Variants in CCSER1 observed in about 807,000 individuals in gnomAD.
CCSER1 encodes the protein coiled-coil serine rich protein 1.
CCSER1 carries 41 observed loss-of-function variants against 82.0 expected under a neutral mutation model. That is an observed-to-expected ratio of 0.50 (90% CI 0.39 to 0.65). The LOEUF (loss-of-function observed/expected upper bound fraction) is 0.65. Ranked by LOEUF, CCSER1 falls within the 30% of genes least tolerant of loss-of-function variation. CCSER1 has a pLI of 0.00. For synonymous variants in CCSER1, 414 were observed against 383.9 expected (o/e 1.08, Z -0.92); for missense variants, 1,119 against 1,064.2 (o/e 1.05, Z -0.72).
chr4:90,189,161 T>G (rs995183355), intron 1 of CCSER1, among the ~76,000 whole-genome samples: 2 of 151,980 alleles, frequency 1.3e-5, no homozygotes, highest in Non-Finnish European at 1.5e-5. Flanking sequence ...GTCCTTTAGC[T>G]GCCATGTTGT....
chr4:91,403,558 A>G (rs1031399492), intron 10 of CCSER1, among the ~76,000 whole-genome samples: 1 of 152,148 alleles, frequency 6.6e-6, no homozygotes, highest in Non-Finnish European at 1.5e-5. Flanking sequence ...TGTTATTTTG[A>G]GATACGTCCC....
At chr4:91,171,202 A>AT in intron 10 of CCSER1, among the ~76,000 whole-genome samples, 1 of 152,242 alleles carries the variant, frequency 6.6e-6, no homozygotes, top group African/African-American at 2.4e-5. Context: ...TATATTAAAT[A>AT]TTTTTTCATC....
intron 3 of CCSER1, among the ~76,000 whole-genome samples, chr4:90,320,559 T>C (rs908353495): frequency 1.3e-5 from 2 of 152,112 alleles, no homozygotes; most frequent in Non-Finnish European, 2.9e-5. Flanking sequence ...CAAGAAATAG[T>C]CAAATATTTG....
At chr4:91,098,050 T>A (rs991997142) in intron 10 of CCSER1, among the ~76,000 whole-genome samples, 1 of 152,152 alleles carries the variant, frequency 6.6e-6, no homozygotes, top group African/African-American at 2.4e-5. Flanking sequence ...AAAGGCAGAT[T>A]GAAAATCAAT....
chr4:90,895,645 A>G (rs1723599509), intron 8 of CCSER1, among the ~76,000 whole-genome samples: 1 of 151,940 alleles, frequency 6.6e-6, no homozygotes, highest in Non-Finnish European at 1.5e-5. Flanking sequence ...TCCCTAGCCC[A>G]GTTGAAGAAG....
chr4:91,420,110 T>G (rs775454176), intron 10 of CCSER1, among the ~76,000 whole-genome samples: 8 of 152,004 alleles, frequency 5.3e-5, no homozygotes, highest in Middle Eastern at 3.2e-3. Flanking sequence ...GAAGAAAACA[T>G]AGGGTAAACT....
At chr4:91,535,077 T>C (rs28628886) in intron 10 of CCSER1, among the ~76,000 whole-genome samples, 2 of 151,940 alleles carry the variant, frequency 1.3e-5, no homozygotes, top group African/African-American at 4.8e-5. Flanking sequence ...AAGTGAACAA[T>C]AAATATTTCA....
intron 9 of CCSER1, among the ~76,000 whole-genome samples, chr4:90,975,013 T>G (rs1735477580): frequency 6.6e-6 from 1 of 151,430 alleles, no homozygotes; most frequent in Non-Finnish European, 1.5e-5. Context: ...ATCCACATGA[T>G]GGAATATTAT....
chr4:91,379,181 A>G (rs1325593997), intron 10 of CCSER1, among the ~76,000 whole-genome samples: 2 of 152,062 alleles, frequency 1.3e-5, no homozygotes, highest in African/African-American at 2.4e-5. Flanking sequence ...TTTTGCATCG[A>G]TCTTCATCAG....
intron 10 of CCSER1, among the ~76,000 whole-genome samples, chr4:91,428,030 C>T (rs1458654467): frequency 6.6e-6 from 1 of 151,850 alleles, no homozygotes; most frequent in African/African-American, 2.4e-5. Context: ...ATTTTCAATC[C>T]AACTTGAATT....
At chr4:90,136,617 A>T (rs1723747041) in intron 1 of CCSER1, among the ~76,000 whole-genome samples, 1 of 152,234 alleles carries the variant, frequency 6.6e-6, no homozygotes, top group Non-Finnish European at 1.5e-5. Context: ...AAAGCCAACC[A>T]AACATGAATT....
intron 4 of CCSER1, among the ~76,000 whole-genome samples, chr4:90,420,300 T>G (rs1756490610): frequency 6.6e-6 from 1 of 152,022 alleles, no homozygotes; most frequent in Non-Finnish European, 1.5e-5. Flanking sequence ...CTTTTCATAC[T>G]CTGTGTTAAA....
rs545925630 is a variant in CCSER1, at chr4:90,615,210, A to G, written c.1725-12815A>G. 7.2e-5 allele frequency among the ~76,000 whole-genome samples: 11 copies of G among 152,322 alleles called. No homozygotes were observed. In the South Asian group the frequency reaches 2.1e-3, roughly 29 times the overall value. ...TGACAATGCACCTGGTCAACCAAGCATTCTGATGGAGAGGTATGAGGAGAT... is the reference window on the plus strand; with the variant it reads ...TGACAATGCACCTGGTCAACCAAGCGTTCTGATGGAGAGGTATGAGGAGAT... On this transcript the variant is annotated intron_variant, in intron 5 of 10. Transcript: ENST00000509176.
chr4:90,374,310 G>C (rs1234868558), intron 3 of CCSER1, among the ~76,000 whole-genome samples: 6 of 152,122 alleles, frequency 3.9e-5, no homozygotes, highest in African/African-American at 1.4e-4. Flanking sequence ...TTAATAAGGA[G>C]AAATTGGAAA....
intron 5 of CCSER1, among the ~76,000 whole-genome samples, chr4:90,584,063 C>G (rs909512034): frequency 2.0e-5 from 3 of 151,952 alleles, no homozygotes; most frequent in African/African-American, 7.3e-5. Context: ...GATCTCCATT[C>G]CCTGGTGTAC....
intron 6 of CCSER1, among the ~76,000 whole-genome samples, chr4:90,653,288 T>A (rs1378972393): frequency 6.6e-6 from 1 of 152,188 alleles, no homozygotes. Context: ...GTATTTTATA[T>A]GTTTGCATAT....
At chr4:91,268,429 T>C (rs1325333881) in intron 10 of CCSER1, among the ~76,000 whole-genome samples, 1 of 152,234 alleles carries the variant, frequency 6.6e-6, no homozygotes, top group East Asian at 1.9e-4. Flanking sequence ...TTTTCTTTAT[T>C]CATTTCATGT....
chr4:90,396,420 C>T (rs1451567746), intron 3 of CCSER1, among the ~76,000 whole-genome samples: 1 of 151,850 alleles, frequency 6.6e-6, no homozygotes, highest in East Asian at 1.9e-4. Context: ...GCTATACAGA[C>T]AGAAGGAAAT....
chr4:90,661,988 G>GTTTC lies in CCSER1; in HGVS notation c.1932+33768_1932+33771dup, dbSNP rs1288825331. 2.7e-5 allele frequency among the ~76,000 whole-genome samples: 4 copies of GTTTC among 146,252 alleles called. No homozygotes were observed. In the East Asian group the frequency reaches 6.1e-4, roughly 22 times the overall value. On this transcript the variant is annotated intron_variant, in intron 6 of 10. Coordinates refer to ENST00000509176, the MANE Select transcript of CCSER1 (RefSeq NM_001145065.2). ...GCTTGTTTGTCCTATACCACTCTTT[G>GTTTC]TTTCTTTCTTTCTTTTTTTTTTTTT...
Sources: gnomAD v4.1 joint callset for allele counts (sites outside exome capture counted in the v4.1 genomes callset) on GRCh38, gnomAD v4.1.1 for gene constraint, MANE v1.5 for transcripts, NCBI Gene and HGNC (gene_info 2026-07-23, HGNC 2026-07-21) for gene names.